Variants in BTNL9 observed in about 807,000 individuals in gnomAD.
The protein encoded by BTNL9 is butyrophilin like 9, also known as butyrophilin-like protein 9.
Under a neutral mutation model 45.8 loss-of-function variants are expected in BTNL9, and 45 were observed. The observed-to-expected ratio is 0.98, with a 90% CI of 0.77 to 1.26. BTNL9 has a LOEUF of 1.26. Among genes scored for constraint, BTNL9 ranks in the 50% most tolerant of loss-of-function variants. The pLI is 0.00. For synonymous variants in BTNL9, 346 were observed against 330.8 expected (o/e 1.05, Z -0.50); for missense variants, 784 against 729.7 (o/e 1.07, Z -0.86).
At chr5:181,051,094 A>AC (rs951959696) in intron 4 of BTNL9, among the ~76,000 whole-genome samples, 50 of 151,824 alleles carry the variant, frequency 3.3e-4, no homozygotes, top group Non-Finnish European at 2.9e-4. Flanking sequence ...AAAAACAAAA[A>AC]AAAAAAAAAC....
chr5:181,048,723 ATATCTATATATATATC>A (rs1393914190), intron 3 of BTNL9, among the ~76,000 whole-genome samples: 2 of 124,610 alleles, frequency 1.6e-5, no homozygotes, highest in East Asian at 4.2e-4. Flanking sequence ...ATATATATAT[ATATCTATATATATATC>A]TATCTATATA....
chr5:181,056,900 G>A (rs1343847067), intron 9 of BTNL9: 1 of 363,190 alleles, frequency 2.8e-6, no homozygotes, highest in Non-Finnish European at 5.0e-6. Context: ...CTCTGTATAT[G>A]CTAGTTGGCT....
intron 7 of BTNL9, 24 bp downstream of exon 7, chr5:181,054,283 A>C: frequency 1.2e-6 from 2 of 1,607,400 alleles, no homozygotes; most frequent in Non-Finnish European, 1.7e-6. Flanking sequence ...GCGGGGCCAC[A>C]GTGCTGCCTG....
intron 1 of BTNL9, 140 bp downstream of exon 1, chr5:181,040,572 T>G (rs555257505): frequency 5.9e-5 from 9 of 152,338 alleles, no homozygotes; most frequent in African/African-American, 1.9e-4. Flanking sequence ...GCATGGGATG[T>G]TTCGAGTGTG....
Position 181,055,476 on chromosome 5 carries a change from A to C in BTNL9, c.928+23A>C. On this transcript the variant is annotated intron_variant, in intron 8 of 10. Transcript: ENST00000327705. This position sits in a 1 kb window ranked among gnomAD's most constrained non-coding sequence, Gnocchi z 4.4. ...TTGGTAAGTGACCCCTCTTAGAACTATTTCTCCTCAGGGCCGGGTCCAGTG... is the reference window on the plus strand; with the variant it reads ...TTGGTAAGTGACCCCTCTTAGAACTCTTTCTCCTCAGGGCCGGGTCCAGTG... 1.2e-6 allele frequency: 2 copies of C among 1,613,848 alleles called. No individual in the cohort carries two copies. The highest frequency in any genetic ancestry group is 1.7e-6 in the Non-Finnish European group (2 of 1,179,886).
At chr5:181,058,834 C>G (rs368598219) in intron 10 of BTNL9, among the ~76,000 whole-genome samples, 1 of 150,458 alleles carries the variant, frequency 6.6e-6, no homozygotes, top group African/African-American at 2.5e-5. Context: ...AAAAAAAAAT[C>G]CAAAATTTCT....
rs1761656563 is a variant in BTNL9 at position 181,053,053 on chromosome 5, C to T, written c.737-147C>T. 4.1e-6 allele frequency: 2 copies of T among 487,822 alleles called. No individual in the cohort carries two copies. The highest frequency in any genetic ancestry group is 5.0e-5 in the Admixed American group (1 of 20,116). The allele number at this position is 487,822 out of a possible 1,614,324, so 30.2% of individuals were successfully genotyped here. A position where few individuals can be genotyped will look rare whatever the true frequency, so the allele number is the denominator to read the frequency against. ...CCCGCCCCCTCCGCCGCGCGCGCTC[C>T]CGCTCCACGCCCGTTTCCCAGGCGG... On this transcript the variant is annotated intron_variant, in intron 4 of 10. Transcript: ENST00000327705. The surrounding 1 kb of genome is among the most constrained non-coding windows in gnomAD (Gnocchi z 6.5).
chr5:181,051,152 G>T (rs1761520089), intron 4 of BTNL9, among the ~76,000 whole-genome samples: 2 of 151,070 alleles, frequency 1.3e-5, no homozygotes, highest in Non-Finnish European at 1.5e-5. Context: ...CAGGCTGAAA[G>T]CAGTGAGGCA....
At chr5:181,045,227 C>T (rs974957012) in intron 1 of BTNL9, among the ~76,000 whole-genome samples, 4 of 152,174 alleles carry the variant, frequency 2.6e-5, no homozygotes, top group Admixed American at 1.3e-4. Flanking sequence ...CCTTCAGCCT[C>T]GTCCCCTTGC....
intron 7 of BTNL9, chr5:181,054,572 G>A (rs1228619722): frequency 2.0e-6 from 2 of 985,308 alleles, no homozygotes; most frequent in Non-Finnish European, 2.4e-6. Flanking sequence ...TAATGCAAAT[G>A]GCACTAGGAA....
At position 181,049,494 on chromosome 5, in the gene BTNL9, G is replaced by A. The variant is rs532679972; in HGVS notation, c.455-594G>A. Among the ~76,000 whole-genome samples, 5 of 152,322 alleles carry A rather than the reference G, an allele frequency of 3.3e-5. No individual in the cohort carries two copies. The South Asian group carries it at 8.3e-4, about 25-fold the overall frequency. On this transcript the variant is annotated intron_variant, in intron 3 of 10. Coordinates refer to ENST00000327705, the MANE Select transcript of BTNL9 (RefSeq NM_152547.5). ...ATACACTTGCTTTGTAAGAAAGAAGGAGAAACATTGCAAAAGGGAACATAG... is the reference window on the plus strand; with the variant it reads ...ATACACTTGCTTTGTAAGAAAGAAGAAGAAACATTGCAAAAGGGAACATAG...
At chr5:181,048,521 G>A (rs980317601) in intron 3 of BTNL9, among the ~76,000 whole-genome samples, 2 of 151,706 alleles carry the variant, frequency 1.3e-5, no homozygotes, top group African/African-American at 2.4e-5. Context: ...TTGGTAGACC[G>A]AGGCAAGCAG....
intron 2 of BTNL9, 48 bp downstream of exon 2, chr5:181,045,646 C>G: frequency 7.0e-7 from 1 of 1,426,370 alleles, no homozygotes; most frequent in Non-Finnish European, 9.9e-7. Flanking sequence ...GCCACCCCTC[C>G]TGCCAGGTGC....
rs1222309143 is a variant in BTNL9, at chr5:181,060,026, G to C, written c.*164G>C. ...CTACGTAGATGTGTATGTGTAGTGC[G>C]ATTTTCTTCAAGGAAAGGAGACAAG... On this transcript the variant is annotated 3_prime_UTR_variant, in exon 11 of 11. Coordinates refer to ENST00000327705, the MANE Select transcript of BTNL9 (RefSeq NM_152547.5). 6.1e-6 allele frequency: 4 copies of C among 656,140 alleles called. No homozygotes were observed. The African/African-American group carries it at 7.3e-5, about 12-fold the overall frequency. 40.6% of individuals were successfully genotyped at this position (656,140 alleles called of 1,614,324 possible).
Position 181,042,600 on chromosome 5 carries a change from T to A in BTNL9, c.-24+2168T>A, listed in dbSNP as rs1760833243. Among the ~76,000 whole-genome samples the A allele has an allele frequency of 6.6e-6, 1 of 152,052 alleles. No individual in the cohort carries two copies. Among genetic ancestry groups the A allele is most frequent in the African/African-American group, 2.4e-5 (1 of 41,390 alleles). ...CTTCAGGAAGCTGCCAGACCATCTCTCTCTGCTAAAGGCTTTCAAGATGAT... is the reference window on the plus strand; with the variant it reads ...CTTCAGGAAGCTGCCAGACCATCTCACTCTGCTAAAGGCTTTCAAGATGAT... On this transcript the variant is annotated intron_variant, in intron 1 of 10. Coordinates refer to ENST00000327705, the MANE Select transcript of BTNL9 (RefSeq NM_152547.5). The surrounding 1 kb of genome is among the most constrained non-coding windows in gnomAD (Gnocchi z 4.5).
In BTNL9 at chr5:181,042,491, T is replaced by C. The variant is rs1165908950; in HGVS notation, c.-24+2059T>C. Among the ~76,000 whole-genome samples, 1 of 152,190 alleles carries C rather than the reference T, an allele frequency of 6.6e-6. No homozygotes were observed. The highest frequency in any genetic ancestry group is 1.9e-4 in the East Asian group (1 of 5,192). On this transcript the variant is annotated intron_variant, in intron 1 of 10. Transcript: ENST00000327705. The surrounding 1 kb of genome is among the most constrained non-coding windows in gnomAD (Gnocchi z 4.5). ...AGTAAGGATTGAGCACCCTGGATCC[T>C]TAACTGAAGAGTGAGGTCAGAAAGG...
At position 181,055,100 on chromosome 5, in the gene BTNL9, G is replaced by A; in HGVS notation, c.908-333G>A. ...AGGCGGCCCTCAGTGCCTGCACTTA[G>A]GCGGGAGCTCCGCCCCAGGAAGCTT... On this transcript the variant is annotated intron_variant, in intron 7 of 10. Coordinates refer to ENST00000327705, the MANE Select transcript of BTNL9 (RefSeq NM_152547.5). This position sits in a 1 kb window ranked among gnomAD's most constrained non-coding sequence, Gnocchi z 4.4. 8.8e-7 allele frequency: 1 copy of A among 1,131,240 alleles called. No homozygotes were observed. Among genetic ancestry groups the A allele is most frequent in the Admixed American group, 4.4e-5 (1 of 22,778 alleles). The allele number at this position is 1,131,240 out of a possible 1,614,324, so 70.1% of individuals were successfully genotyped here.
intron 1 of BTNL9, chr5:181,043,615 A>T (rs968555661): frequency 1.3e-5 from 2 of 152,020 alleles, no homozygotes; most frequent in African/African-American, 4.8e-5. Flanking sequence ...GCATAAACAC[A>T]CCCTGAGCCC....
At chr5:181,052,395 G>A (rs1314789032) in intron 4 of BTNL9, among the ~76,000 whole-genome samples, 1 of 152,160 alleles carries the variant, frequency 6.6e-6, no homozygotes, top group Non-Finnish European at 1.5e-5. Context: ...GGAGATGGGC[G>A]GGGGTGATGG....
Sources: allele counts gnomAD v4.1 joint callset (sites outside exome capture counted in the v4.1 genomes callset), GRCh38; gene constraint gnomAD v4.1.1; non-coding constraint Gnocchi (gnomAD v3.1); transcripts MANE v1.5; gene names NCBI Gene and HGNC (gene_info 2026-07-23, HGNC 2026-07-21).